OSBPL6: variants seen among roughly 807,000 people sequenced by gnomAD.
OSBPL6 encodes the protein oxysterol binding protein like 6, also known as oxysterol-binding protein-related protein 6.
A neutral mutation model predicts 125.8 loss-of-function variants in OSBPL6; 49 were observed. The ratio of observed to expected loss-of-function variants is 0.39; its 90% confidence interval spans 0.31 to 0.49. The LOEUF is 0.49. Ranked by LOEUF, OSBPL6 falls within the 20% of genes least tolerant of loss-of-function variation. The pLI is 0.88. For missense variants in OSBPL6, 986 were observed against 1,135.4 expected (o/e 0.87, Z 1.89); for synonymous variants, 394 against 391.8 (o/e 1.01, Z -0.07).
intron 1 of OSBPL6, among the ~76,000 whole-genome samples, chr2:178,260,600 C>T (rs2092027428): frequency 6.6e-6 from 1 of 152,058 alleles, no homozygotes; most frequent in African/African-American, 2.4e-5. Flanking sequence ...GTGATTACTA[C>T]TTGGTTAGTC....
intron 11 of OSBPL6, among the ~76,000 whole-genome samples, chr2:178,342,578 C>T (rs1207998371): frequency 6.6e-6 from 1 of 152,154 alleles, no homozygotes; most frequent in African/African-American, 2.4e-5. Context: ...CTCATGAAGT[C>T]AGCATTTGTC....
At chr2:178,302,993 C>G (rs949574405) in intron 2 of OSBPL6, among the ~76,000 whole-genome samples, 1 of 152,174 alleles carries the variant, frequency 6.6e-6, no homozygotes, top group Non-Finnish European at 1.5e-5. Flanking sequence ...TGTAAAACAT[C>G]TGGGACCAGA....
chr2:178,318,518 G>T (rs1559238825), intron 3 of OSBPL6, among the ~76,000 whole-genome samples: 1 of 152,330 alleles, frequency 6.6e-6, no homozygotes, highest in East Asian at 1.9e-4. Flanking sequence ...TGGCTTTGGT[G>T]ATTTTAATAT....
chr2:178,379,471 AAAAG>A (rs1694264617), intron 15 of OSBPL6, among the ~76,000 whole-genome samples: 1 of 151,618 alleles, frequency 6.6e-6, no homozygotes, highest in Non-Finnish European at 1.5e-5. Context: ...GAAGGAGAAA[AAAAG>A]AAACAGAAAA....
chr2:178,234,630 C>T (rs1235333597), intron 1 of OSBPL6, among the ~76,000 whole-genome samples: 2 of 152,122 alleles, frequency 1.3e-5, no homozygotes, highest in Non-Finnish European at 1.5e-5. Context: ...ATTTTCTCCC[C>T]GTCTGTAACT....
intron 2 of OSBPL6, among the ~76,000 whole-genome samples, chr2:178,287,150 A>T (rs334629): frequency 0.27 from 11,529 of 42,214 alleles, 682 homozygotes; most frequent in African/African-American, 0.48. Context: ...TTCTTTTTTT[A>T]AAAAAAAAAA....
rs148540220 is a variant in OSBPL6, at chr2:178,262,461, A to G, written c.-350-22466A>G. Among the ~76,000 whole-genome samples, 352 of 152,356 alleles carry G rather than the reference A, an allele frequency of 2.3e-3. 2 individuals carry two copies. The highest frequency in any genetic ancestry group is 8.2e-3 in the African/African-American group (343 of 41,590). On this transcript the variant is annotated intron_variant, in intron 1 of 24. Coordinates refer to ENST00000190611, the MANE Select transcript of OSBPL6 (RefSeq NM_032523.4). ...AGTAACAAAATGTTAGCCAAACTCC[A>G]CTTCATTCTTATTCAGAATTTGTCT... is the stretch of plus-strand genomic sequence containing the variant.
intron 1 of OSBPL6, among the ~76,000 whole-genome samples, chr2:178,207,324 C>T (rs984754958): frequency 6.6e-6 from 1 of 152,134 alleles, no homozygotes; most frequent in Admixed American, 6.6e-5. Context: ...GTGTCTTCTC[C>T]TTTTCTTTGT....
intron 11 of OSBPL6, among the ~76,000 whole-genome samples, chr2:178,342,972 A>G (rs1286352632): frequency 1.3e-5 from 2 of 152,204 alleles, no homozygotes. Context: ...GATTTTGTCT[A>G]GAAATTTTTT....
intron 9 of OSBPL6, among the ~76,000 whole-genome samples, 155 bp from the exon 10 acceptor site, chr2:178,338,836 A>G (rs532838787): frequency 6.6e-6 from 1 of 152,300 alleles, no homozygotes; most frequent in African/African-American, 2.4e-5. Flanking sequence ...TCTGCACCAG[A>G]AAAGGGTCTG....
At chr2:178,232,647 A>G (rs915101333) in intron 1 of OSBPL6, among the ~76,000 whole-genome samples, 1 of 151,798 alleles carries the variant, frequency 6.6e-6, no homozygotes, top group African/African-American at 2.4e-5. Context: ...CTAGCTCATT[A>G]CTCTTAGCAT....
At position 178,338,974 on chromosome 2, in the gene OSBPL6, T is replaced by A. The variant is rs1348610845; in HGVS notation, c.791-17T>A. 5 of 1,583,866 alleles carry A rather than the reference T, an allele frequency of 3.2e-6. No individual in the cohort carries two copies. The East Asian group carries it at 1.1e-4, about 36-fold the overall frequency. On this transcript the variant is annotated splice_polypyrimidine_tract_variant and intron_variant, in intron 9 of 24. Coordinates refer to ENST00000190611, the MANE Select transcript of OSBPL6 (RefSeq NM_032523.4). ...CTACCCAATTTTAACGTATTTTTAT[T>A]TCTGATTTCTTATTAGATCTTGCAC...
intron 1 of OSBPL6, among the ~76,000 whole-genome samples, chr2:178,247,938 C>T (rs1199725402): frequency 6.6e-6 from 1 of 152,060 alleles, no homozygotes; most frequent in African/African-American, 2.4e-5. Flanking sequence ...ATTCTCTGTC[C>T]CTAAGAATGC....
At chr2:178,279,608 G>T (rs1683921817) in intron 1 of OSBPL6, among the ~76,000 whole-genome samples, 1 of 152,200 alleles carries the variant, frequency 6.6e-6, no homozygotes, top group Non-Finnish European at 1.5e-5. Flanking sequence ...TATTGTGAAT[G>T]TGTTTCAGTT....
At chr2:178,385,575 T>C (rs545630778) in intron 19 of OSBPL6, 54 bp downstream of exon 19, 2 of 1,370,554 alleles carry the variant, frequency 1.5e-6, no homozygotes, top group African/African-American at 1.4e-5. Context: ...TGAAAAAATA[T>C]CTGGCTTCCA....
chr2:178,196,948 G>A (rs960682183), intron 1 of OSBPL6, among the ~76,000 whole-genome samples: 3 of 151,472 alleles, frequency 2.0e-5, no homozygotes, highest in African/African-American at 7.3e-5. Flanking sequence ...GTATGTAGTT[G>A]TAGTTCACTG....
At position 178,339,061 on chromosome 2, in the gene OSBPL6, A is replaced by G; in HGVS notation, c.861A>G (p.Arg287=). The change falls in exon 10 of 25, where the codon AGA becomes AGG. Residue 287 remains arginine (R), a synonymous_variant. Transcript: ENST00000190611. ...TGCAAAATTTGGAAATACTTCAGAGAACTCAGTCGGCACCTAACTTTACTG... is the reference window on the plus strand; with the variant it reads ...TGCAAAATTTGGAAATACTTCAGAGGACTCAGTCGGCACCTAACTTTACTG... The part of the protein sequence containing the change: ...KLLQNLEILQ[R]TQSAPNFTDM... The G allele has an allele frequency of 6.2e-7, 1 of 1,613,064 alleles. No homozygotes were observed. Among genetic ancestry groups the G allele is most frequent in the Non-Finnish European group, 8.5e-7 (1 of 1,179,260 alleles).
At chr2:178,275,625 A>T (rs2092454051) in intron 1 of OSBPL6, among the ~76,000 whole-genome samples, 1 of 152,176 alleles carries the variant, frequency 6.6e-6, no homozygotes, top group Non-Finnish European at 1.5e-5. Flanking sequence ...CAATCTGGAA[A>T]AGAGGTCAGC....
chr2:178,268,908 A>C (rs1003042792), intron 1 of OSBPL6, among the ~76,000 whole-genome samples: 1 of 152,076 alleles, frequency 6.6e-6, no homozygotes, highest in Admixed American at 6.5e-5. Flanking sequence ...GTTGGCATCC[A>C]TCTTTGGACT....
Sources: allele counts gnomAD v4.1 joint callset (sites outside exome capture counted in the v4.1 genomes callset), GRCh38; gene constraint gnomAD v4.1.1; transcripts MANE v1.5; gene names NCBI Gene and HGNC (gene_info 2026-07-23, HGNC 2026-07-21).